The following TCF12 variants were observed in gnomAD, a reference collection of about 807,000 sequenced individuals.
TCF12 encodes DNA-binding protein HTF4.
A neutral mutation model predicts 86.0 loss-of-function variants in TCF12; 45 were observed. The observed-to-expected ratio is 0.52, with a 90% CI of 0.41 to 0.67. The LOEUF (loss-of-function observed/expected upper bound fraction) is 0.67, where lower values mean the gene tolerates loss of function less well. Ranked by LOEUF, TCF12 falls within the 30% of genes least tolerant of loss-of-function variation. The pLI is 0.00. For synonymous variants in TCF12, 330 were observed against 299.6 expected, an observed-to-expected ratio of 1.10 and a Z score of -1.05; for missense variants, 881 against 859.9, an observed-to-expected ratio of 1.02 and a Z score of -0.31.
chr15:57,234,861 T>C (rs1178245767), intron 12 of TCF12, among the ~76,000 whole-genome samples: 1 of 151,268 alleles, frequency 6.6e-6, no homozygotes, highest in East Asian at 1.9e-4. Context: ...TTTTTCTTCT[T>C]GTTTTCTGAG....
In TCF12 at chr15:57,232,226, A is replaced by G. The variant is rs778741041; in HGVS notation, c.686-65A>G. 7 of 1,585,150 alleles carry G rather than the reference A, an allele frequency of 4.4e-6. 1 individual carries two copies. Among genetic ancestry groups the G allele is most frequent in the Non-Finnish European group, 6.0e-6 (7 of 1,157,336 alleles). ...GGAGGGTACCCCTTGAATTTTTATA[A>G]GCAACATCAAAATACAAGAAAATTT... On this transcript the variant is annotated intron_variant, in intron 9 of 20. Transcript: ENST00000333725.
At chr15:57,090,889 G>A (rs1304986878) in intron 4 of TCF12, among the ~76,000 whole-genome samples, 1 of 152,140 alleles carries the variant, frequency 6.6e-6, no homozygotes, top group Non-Finnish European at 1.5e-5. Flanking sequence ...TGGAGGTAAT[G>A]CTGTACTTAA....
intron 5 of TCF12, among the ~76,000 whole-genome samples, chr15:57,136,963 TTTTTTTG>T (rs1223109346): frequency 0.15 from 2,414 of 16,600 alleles, 684 homozygotes; most frequent in African/African-American, 0.31. Context: ...TGGCAGTTTT[TTTTTTTG>T]TTTTTTTTTT....
intron 3 of TCF12, among the ~76,000 whole-genome samples, chr15:56,925,088 A>C (rs1019971909): frequency 2.0e-5 from 3 of 152,022 alleles, no homozygotes; most frequent in Non-Finnish European, 4.4e-5. Flanking sequence ...AATCCCAGCT[A>C]CTCAGGAGGC....
chr15:56,943,904 G>A (rs1372937393), intron 3 of TCF12, among the ~76,000 whole-genome samples: 6 of 152,166 alleles, frequency 3.9e-5, no homozygotes, highest in Non-Finnish European at 5.9e-5. Flanking sequence ...GCATTCCAGC[G>A]GCATGAAGCT....
intron 3 of TCF12, among the ~76,000 whole-genome samples, chr15:57,044,269 A>T (rs2067082498): frequency 6.6e-6 from 1 of 152,270 alleles, no homozygotes; most frequent in East Asian, 1.9e-4. Context: ...TTCACTGTTT[A>T]AGAATTTACC....
At chr15:57,132,243 G>A (rs932460518) in intron 5 of TCF12, among the ~76,000 whole-genome samples, 6 of 152,114 alleles carry the variant, frequency 3.9e-5, no homozygotes, top group South Asian at 2.1e-4. Context: ...TGTAGTGGGC[G>A]TATTTTCATC....
intron 3 of TCF12, among the ~76,000 whole-genome samples, chr15:57,049,133 G>T (rs780288609): frequency 6.6e-6 from 1 of 152,146 alleles, no homozygotes; most frequent in African/African-American, 2.4e-5. Context: ...TGGCCCACTT[G>T]CAGCAATTTG....
intron 3 of TCF12, among the ~76,000 whole-genome samples, chr15:57,037,170 C>G (rs181736687): frequency 1.3e-5 from 2 of 152,098 alleles, no homozygotes; most frequent in African/African-American, 2.4e-5. Context: ...ATAAGGGGCT[C>G]GAGCACGGTG....
At chr15:57,026,678 TA>T (rs1211179867) in intron 3 of TCF12, among the ~76,000 whole-genome samples, 1 of 152,140 alleles carries the variant, frequency 6.6e-6, no homozygotes, top group Non-Finnish European at 1.5e-5. Flanking sequence ...TCATTTTATA[TA>T]TTTTAATTTA....
chr15:57,056,883 G>C (rs2068074917), intron 3 of TCF12, among the ~76,000 whole-genome samples: 1 of 147,296 alleles, frequency 6.8e-6, no homozygotes, highest in African/African-American at 2.5e-5. Flanking sequence ...TAATGTCCTT[G>C]TCTGAAAATT....
chr15:57,142,842 A>G (rs1596785951), intron 5 of TCF12, among the ~76,000 whole-genome samples: 1 of 152,280 alleles, frequency 6.6e-6, no homozygotes, highest in South Asian at 2.1e-4. Flanking sequence ...TTCCAATCTA[A>G]TCTTAAGGAA....
At chr15:57,002,445 T>C (rs1429222316) in intron 3 of TCF12, among the ~76,000 whole-genome samples, 2 of 151,126 alleles carry the variant, frequency 1.3e-5, no homozygotes, top group Non-Finnish European at 2.9e-5. Context: ...AAAACAAATA[T>C]TATCCACCTA....
At chr15:57,276,178 G>A (rs2061388907) in intron 19 of TCF12, among the ~76,000 whole-genome samples, 1 of 152,186 alleles carries the variant, frequency 6.6e-6, no homozygotes, top group Admixed American at 6.5e-5. Context: ...TCAGTTTCCT[G>A]TTCTACAAGT....
chr15:57,227,278 A>G (rs1203773217), intron 8 of TCF12, among the ~76,000 whole-genome samples: 1 of 152,130 alleles, frequency 6.6e-6, no homozygotes, highest in Non-Finnish European at 1.5e-5. Flanking sequence ...CTGCCTCACA[A>G]GAATGTTTCC....
chr15:57,007,852 CCCTTCCTTCCTT>C (rs60825721), intron 3 of TCF12, among the ~76,000 whole-genome samples: 14,391 of 100,996 alleles, frequency 0.14, 1,260 homozygotes, highest in South Asian at 0.29. Context: ...CTCTTTCCCT[CCCTTCCTTCCTT>C]CCTTCCTTCC....
intron 6 of TCF12, among the ~76,000 whole-genome samples, chr15:57,168,907 G>C (rs150258419): frequency 6.6e-6 from 1 of 152,042 alleles, no homozygotes; most frequent in South Asian, 2.1e-4. Flanking sequence ...TTAGCCGGGC[G>C]TGGTGGCAGG....
At chr15:57,233,812 T>C (rs745308327) in intron 11 of TCF12, among the ~76,000 whole-genome samples, 1 of 152,288 alleles carries the variant, frequency 6.6e-6, no homozygotes, top group South Asian at 2.1e-4. Context: ...TAGTGTTGAA[T>C]TTAAAAGTGA....
chr15:56,991,324 C>A (rs1254603917), intron 3 of TCF12, among the ~76,000 whole-genome samples: 1 of 152,204 alleles, frequency 6.6e-6, no homozygotes, highest in African/African-American at 2.4e-5. Context: ...CCGTTTCCAT[C>A]TAATGACTAG....
Sources: gnomAD v4.1 joint callset for allele counts (sites outside exome capture counted in the v4.1 genomes callset) on GRCh38, gnomAD v4.1.1 for gene constraint, MANE v1.5 for transcripts, NCBI Gene and HGNC (gene_info 2026-07-23, HGNC 2026-07-21) for gene names.